The following ADGRL3 variants were observed in gnomAD, a reference collection of about 807,000 sequenced individuals.
ADGRL3 encodes the protein calcium-independent alpha-latrotoxin receptor 3.
ADGRL3 carries 62 observed loss-of-function variants against 153.5 expected under a neutral mutation model. The observed-to-expected ratio is 0.40, with a 90% CI of 0.33 to 0.50. The LOEUF is 0.50. Ranked by LOEUF, ADGRL3 falls within the 20% of genes least tolerant of loss-of-function variation. ADGRL3 has a pLI of 0.47. For synonymous variants in ADGRL3, 710 were observed against 672.5 expected (o/e 1.06, Z -0.86); for missense variants, 1,641 against 1,859.4 (o/e 0.88, Z 2.16).
rs568835822 is a variant in ADGRL3 at position 61,981,334 on chromosome 4, C to T, written c.3015+1562C>T. On this transcript the variant is annotated intron_variant, in intron 18 of 26. Coordinates refer to ENST00000683033, the MANE Select transcript of ADGRL3 (RefSeq NM_001387552.1). The stretch of plus-strand genomic sequence containing the variant: ...CAATATTATATTAAAATCTGCAGGT[C>T]TAAAATGGGTTTTTCTAATTGATGT... Among the ~76,000 whole-genome samples, 61 of 152,042 alleles carry T rather than the reference C, an allele frequency of 4.0e-4. 1 individual carries two copies. The highest frequency in any genetic ancestry group is 3.4e-3 in the Middle Eastern group (1 of 294).
chr4:62,068,274 A>C (rs1408326849), intron 26 of ADGRL3, 91 bp downstream of exon 26: 1 of 1,192,094 alleles, frequency 8.4e-7, no homozygotes, highest in South Asian at 1.5e-5. Flanking sequence ...AGTTATTAAA[A>C]ACAGTTCATC....
chr4:61,883,086 G>A (rs140503920), intron 9 of ADGRL3, among the ~76,000 whole-genome samples: 47 of 152,166 alleles, frequency 3.1e-4, no homozygotes, highest in African/African-American at 1.1e-3. Flanking sequence ...ACTGCCCTCC[G>A]GCCTGGGCAT....
Position 62,070,228 on chromosome 4 carries a change from A to T in ADGRL3, c.3952A>T (p.Ile1318Leu), listed in dbSNP as rs1278134686. The T allele has an allele frequency of 1.2e-6, 2 of 1,613,872 alleles. No homozygotes were observed. Among genetic ancestry groups the T allele is most frequent in the Admixed American group, 1.7e-5 (1 of 59,984 alleles). The change falls in exon 27 of 27, where the codon ATA becomes TTA. Residue 1318 changes from isoleucine to leucine, a missense_variant. This residue lies in a region of ADGRL3 where 517 missense variants were observed against 555.0 expected (regional missense o/e 0.93). Coordinates refer to ENST00000683033, the MANE Select transcript of ADGRL3 (RefSeq NM_001387552.1). ...ATACCTGAGCAACTGTGTGCAAATC[A>T]TAGACCGTGGCTATAACCATAACGA... ...GEYLSNCVQI[I>L]DRGYNHNETA...
rs554362689 is a variant in ADGRL3, at chr4:61,780,961, G to C, written c.1400-32848G>C. Among the ~76,000 whole-genome samples the C allele has an allele frequency of 4.6e-5, 7 of 152,230 alleles. No homozygotes were observed. In the South Asian group the frequency reaches 1.5e-3, roughly 32 times the overall value. Reference sequence around the variant, plus strand: ...GCATCTTTTCAAATCTGAATCTGTTGAATTAAATATTCTAATATGGTTAAA... The same window carrying C: ...GCATCTTTTCAAATCTGAATCTGTTCAATTAAATATTCTAATATGGTTAAA... On this transcript the variant is annotated intron_variant, in intron 8 of 26. Coordinates refer to ENST00000683033, the MANE Select transcript of ADGRL3 (RefSeq NM_001387552.1).
chr4:61,803,045 T>C (rs897604748), intron 8 of ADGRL3, among the ~76,000 whole-genome samples: 1 of 152,144 alleles, frequency 6.6e-6, no homozygotes, highest in African/African-American at 2.4e-5. Flanking sequence ...TATTCGCTAG[T>C]GGTATCAGTG....
chr4:61,482,688 G>T (rs973774493), intron 2 of ADGRL3, among the ~76,000 whole-genome samples: 1 of 152,068 alleles, frequency 6.6e-6, no homozygotes, highest in Admixed American at 6.6e-5. Flanking sequence ...AAAAATAGGA[G>T]CCATTAAACC....
At position 62,031,630 on chromosome 4, in the gene ADGRL3, T is replaced by A; in HGVS notation, c.3591+20T>A. On this transcript the variant is annotated intron_variant, in intron 23 of 26. Coordinates refer to ENST00000683033, the MANE Select transcript of ADGRL3 (RefSeq NM_001387552.1). ...AAGAAGGTAAGCTAGAATTCTTTTT[T>A]TAAAATAAAAATGGCATACATTTCA... 2 of 1,561,248 alleles carry A rather than the reference T, an allele frequency of 1.3e-6. No homozygotes were observed. The highest frequency in any genetic ancestry group is 2.3e-5 in the South Asian group (2 of 87,432).
intron 25 of ADGRL3, among the ~76,000 whole-genome samples, chr4:62,061,521 G>T (rs566826988): frequency 1.3e-5 from 2 of 151,856 alleles, no homozygotes; most frequent in Non-Finnish European, 2.9e-5. Context: ...GTAAGTTCAT[G>T]TTTACACCAT....
chr4:61,754,746 T>A (rs2096800637), intron 8 of ADGRL3, among the ~76,000 whole-genome samples: 1 of 152,168 alleles, frequency 6.6e-6, no homozygotes, highest in Non-Finnish European at 1.5e-5. Context: ...CTTAGGTATA[T>A]CTCCTAATGC....
intron 1 of ADGRL3, among the ~76,000 whole-genome samples, chr4:61,302,868 C>T (rs906331370): frequency 1.4e-4 from 21 of 152,072 alleles, no homozygotes; most frequent in African/African-American, 5.1e-4. Flanking sequence ...GTTGTATTGT[C>T]TTTATAATCA....
At chr4:61,314,273 G>A (rs1014654026) in intron 1 of ADGRL3, among the ~76,000 whole-genome samples, 12 of 150,588 alleles carry the variant, frequency 8.0e-5, no homozygotes, top group African/African-American at 2.4e-4. Context: ...GCAATGGTGC[G>A]ATCTTGGCTT....
At chr4:61,664,604 C>A (rs2094717841) in intron 5 of ADGRL3, among the ~76,000 whole-genome samples, 1 of 151,910 alleles carries the variant, frequency 6.6e-6, no homozygotes, top group Non-Finnish European at 1.5e-5. Flanking sequence ...ATTTTAATGT[C>A]TTTCTAAGAT....
At chr4:61,584,071 T>C (rs1230066777) in intron 4 of ADGRL3, among the ~76,000 whole-genome samples, 1 of 152,022 alleles carries the variant, frequency 6.6e-6, no homozygotes, top group Non-Finnish European at 1.5e-5. Context: ...AAAACTTTTC[T>C]TAACAAAAAC....
chr4:61,776,224 C>A (rs553844948), intron 8 of ADGRL3, among the ~76,000 whole-genome samples: 1 of 152,254 alleles, frequency 6.6e-6, no homozygotes, highest in East Asian at 1.9e-4. Flanking sequence ...TAAACGCACC[C>A]AAGCCTCCGC....
intron 17 of ADGRL3, among the ~76,000 whole-genome samples, chr4:61,976,633 A>G (rs2099049062): frequency 6.6e-6 from 1 of 152,104 alleles, no homozygotes; most frequent in African/African-American, 2.4e-5. Context: ...GTTCCCCCAT[A>G]CTGTTCTCAT....
chr4:61,541,190 C>T (rs1380550711), intron 4 of ADGRL3, among the ~76,000 whole-genome samples: 1 of 152,114 alleles, frequency 6.6e-6, no homozygotes, highest in Admixed American at 6.5e-5. Flanking sequence ...AATAAAAGTA[C>T]TGAAGCAGCT....
chr4:61,621,889 CA>C (rs1201977426), intron 5 of ADGRL3, among the ~76,000 whole-genome samples: 1 of 152,108 alleles, frequency 6.6e-6, no homozygotes, highest in African/African-American at 2.4e-5. Flanking sequence ...TCCCCACCTC[CA>C]GAATTAATTC....
intron 8 of ADGRL3, among the ~76,000 whole-genome samples, chr4:61,758,465 GTT>G (rs1256922568): frequency 6.6e-6 from 1 of 152,110 alleles, no homozygotes; most frequent in African/African-American, 2.4e-5. Flanking sequence ...ATCTTTGTTG[GTT>G]TAAAGTCTGT....
At chr4:61,229,121 ATCT>A (rs1749347475) in intron 1 of ADGRL3, among the ~76,000 whole-genome samples, 1 of 152,156 alleles carries the variant, frequency 6.6e-6, no homozygotes, top group South Asian at 2.1e-4. Context: ...GAGGGCTGTG[ATCT>A]TCTAGCCTAT....
Sources: gnomAD v4.1 joint callset for allele counts (sites outside exome capture counted in the v4.1 genomes callset) on GRCh38, gnomAD v4.1.1 for gene constraint, gnomAD v4.1.1 regional missense constraint, MANE v1.5 for transcripts, NCBI Gene and HGNC (gene_info 2026-07-23, HGNC 2026-07-21) for gene names.